The following ADAMTS16 variants were observed in gnomAD, a reference collection of about 807,000 sequenced individuals.
ADAMTS16 encodes ADAM metallopeptidase with thrombospondin type 1 motif 16.
Under a neutral mutation model 145.8 loss-of-function variants are expected in ADAMTS16, and 94 were observed. The observed-to-expected ratio is 0.64, with a 90% CI of 0.55 to 0.77. The LOEUF (loss-of-function observed/expected upper bound fraction) is 0.77. Among genes scored for constraint, ADAMTS16 ranks in the 30% least tolerant of loss-of-function variants. The pLI is 0.00. For missense variants in ADAMTS16, 1,585 were observed against 1,591.5 expected (o/e 1.00, Z 0.07); for synonymous variants, 659 against 604.3 (o/e 1.09, Z -1.33).
chr5:5,146,353 T>C lies in ADAMTS16; in HGVS notation c.399T>C (p.Thr133=). 6.2e-7 allele frequency: 1 copy of C among 1,614,214 alleles called. No homozygotes were observed. Among genetic ancestry groups the C allele is most frequent in the South Asian group, 1.1e-5 (1 of 91,082 alleles). ...TGCAGACGTTGGGAAAGACAGGCACTAAGTCTGTGCAGACTTTACCGCCAG... is the reference window on the plus strand; with the variant it reads ...TGCAGACGTTGGGAAAGACAGGCACCAAGTCTGTGCAGACTTTACCGCCAG... ...FIVQTLGKTG[T]KSVQTLPPED... is the part of the protein sequence containing the mutation. The change falls in exon 3 of 23, where the codon ACT becomes ACC. Residue 133 remains threonine, a synonymous_variant. Transcript: ENST00000274181.
chr5:5,249,980 A>C (rs989165116), intron 17 of ADAMTS16, among the ~76,000 whole-genome samples: 1 of 151,842 alleles, frequency 6.6e-6, no homozygotes. Context: ...CCCTGGCTGA[A>C]CTCCTTTCCA....
At chr5:5,149,413 C>A (rs1734391566) in intron 3 of ADAMTS16, among the ~76,000 whole-genome samples, 1 of 152,054 alleles carries the variant, frequency 6.6e-6, no homozygotes, top group Non-Finnish European at 1.5e-5. Flanking sequence ...ACAATGATGA[C>A]CATGGCAATA....
intron 3 of ADAMTS16, among the ~76,000 whole-genome samples, chr5:5,147,429 T>C (rs948924731): frequency 1.2e-4 from 19 of 152,188 alleles, no homozygotes; most frequent in Admixed American, 1.2e-3. Context: ...CTCATAAAGA[T>C]TTTGTGTGTG....
At chr5:5,232,188 G>GA (rs10713189) in intron 11 of ADAMTS16, among the ~76,000 whole-genome samples, 180 bp from the exon 12 acceptor site, 11 of 150,286 alleles carry the variant, frequency 7.3e-5, no homozygotes, top group Non-Finnish European at 1.3e-4. Flanking sequence ...GTTGGGTAAG[G>GA]AAAAAAAAAA....
intron 4 of ADAMTS16, among the ~76,000 whole-genome samples, chr5:5,182,679 A>G (rs180863119): frequency 2.0e-5 from 3 of 152,324 alleles, no homozygotes; most frequent in African/African-American, 7.2e-5. Context: ...TTTCCTGCTG[A>G]GGTAATTCAT....
chr5:5,179,627 G>A (rs1439316416), intron 3 of ADAMTS16, among the ~76,000 whole-genome samples: 1 of 152,224 alleles, frequency 6.6e-6, no homozygotes, highest in Non-Finnish European at 1.5e-5. Flanking sequence ...GTAAAGTGTT[G>A]TTGTGTCTTC....
intron 21 of ADAMTS16, among the ~76,000 whole-genome samples, chr5:5,307,658 C>T (rs566270499): frequency 3.3e-5 from 5 of 152,274 alleles, no homozygotes; most frequent in South Asian, 2.1e-4. Flanking sequence ...TGTGTGCTGG[C>T]GCTGCTCTGA....
chr5:5,175,697 C>T (rs1735173793), intron 3 of ADAMTS16, among the ~76,000 whole-genome samples: 1 of 152,196 alleles, frequency 6.6e-6, no homozygotes. Flanking sequence ...TGGGATGGTT[C>T]TGACCCTCCA....
intron 8 of ADAMTS16, among the ~76,000 whole-genome samples, chr5:5,197,285 T>A (rs972659385): frequency 6.6e-6 from 1 of 152,210 alleles, no homozygotes; most frequent in African/African-American, 2.4e-5. Flanking sequence ...TTCCCAATAG[T>A]AATTGAATCA....
chr5:5,309,826 TCG>T (rs1491223754), intron 21 of ADAMTS16, among the ~76,000 whole-genome samples: 61 of 52,012 alleles, frequency 1.2e-3, no homozygotes, highest in African/African-American at 3.9e-3. Flanking sequence ...GGTCATGTCC[TCG>T]TGTGTGTGTG....
At chr5:5,239,979 C>A (rs1460347766) in intron 16 of ADAMTS16, 54 bp downstream of exon 16, 1 of 1,596,616 alleles carries the variant, frequency 6.3e-7, no homozygotes, top group African/African-American at 1.3e-5. Flanking sequence ...GTTCTGGTGT[C>A]TGTGTAAGTT....
At chr5:5,218,358 G>A (rs1022507896) in intron 10 of ADAMTS16, among the ~76,000 whole-genome samples, 2 of 152,118 alleles carry the variant, frequency 1.3e-5, no homozygotes, top group Non-Finnish European at 2.9e-5. Flanking sequence ...GGTGTGGCTC[G>A]CTCCTTCTGT....
rs766437575 is a variant in ADAMTS16 at position 5,235,111 on chromosome 5, G to T, written c.1948G>T (p.Ala650Ser). ...CPRDSVDFRAAQCAEHNSRRF... is the reference protein window; with the variant it reads ...CPRDSVDFRASQCAEHNSRRF... ...CCGGGACAGTGTTGACTTCCGTGCTGCTCAGTGTGCCGAGCACAACAGCAG... is the reference window on the plus strand; with the variant it reads ...CCGGGACAGTGTTGACTTCCGTGCTTCTCAGTGTGCCGAGCACAACAGCAG... The change falls in exon 13 of 23, where the codon GCT becomes TCT. Residue 650 changes from alanine to serine, a missense_variant. Transcript: ENST00000274181. The T allele has an allele frequency of 1.9e-5, 31 of 1,604,718 alleles. No homozygotes were observed. Among genetic ancestry groups the T allele is most frequent in the Non-Finnish European group, 2.6e-5 (30 of 1,172,304 alleles).
intron 10 of ADAMTS16, among the ~76,000 whole-genome samples, chr5:5,210,503 T>C (rs1736246184): frequency 6.6e-6 from 1 of 152,186 alleles, no homozygotes; most frequent in South Asian, 2.1e-4. Flanking sequence ...TCAAGACACG[T>C]TTTATTTGCA....
chr5:5,268,667 A>G (rs1738349580), intron 18 of ADAMTS16, among the ~76,000 whole-genome samples: 1 of 152,122 alleles, frequency 6.6e-6, no homozygotes, highest in South Asian at 2.1e-4. Context: ...ATCCACCTGC[A>G]CAGGGATCCC....
intron 18 of ADAMTS16, among the ~76,000 whole-genome samples, chr5:5,299,751 T>C (rs1225070357): frequency 6.6e-6 from 1 of 151,996 alleles, no homozygotes; most frequent in African/African-American, 2.4e-5. Context: ...GTCTCCAGAG[T>C]CCCGCAGTGG....
intron 18 of ADAMTS16, among the ~76,000 whole-genome samples, chr5:5,282,139 G>A (rs1226743617): frequency 3.3e-5 from 5 of 152,126 alleles, no homozygotes; most frequent in South Asian, 2.1e-4. Context: ...TAACTGTCAC[G>A]CTCTGGGTAG....
rs375332841 is a variant in ADAMTS16, at chr5:5,310,673, T to C, written c.3411+3945T>C. 6.6e-6 allele frequency among the ~76,000 whole-genome samples: 1 copy of C among 152,066 alleles called. No homozygotes were observed. Among genetic ancestry groups the C allele is most frequent in the Non-Finnish European group, 1.5e-5 (1 of 67,998 alleles). On this transcript the variant is annotated intron_variant, in intron 21 of 22. Transcript: ENST00000274181. This position sits in a 1 kb window ranked among gnomAD's most constrained non-coding sequence, Gnocchi z 4.3. ...ACCGAGGACTGCCAGCACCACCAGATTCTGCACCAGGCATGACGGGCCCTC... is the reference window on the plus strand; with the variant it reads ...ACCGAGGACTGCCAGCACCACCAGACTCTGCACCAGGCATGACGGGCCCTC...
At chr5:5,274,013 GTGTTT>G (rs1313312305) in intron 18 of ADAMTS16, among the ~76,000 whole-genome samples, 1 of 150,106 alleles carries the variant, frequency 6.7e-6, no homozygotes, top group Non-Finnish European at 1.5e-5. Context: ...GTATGTGTAT[GTGTTT>G]TGTTTTATTT....
Sources: gnomAD v4.1 joint callset for allele counts (sites outside exome capture counted in the v4.1 genomes callset) on GRCh38, gnomAD v4.1.1 for gene constraint, Gnocchi (gnomAD v3.1) non-coding constraint, MANE v1.5 for transcripts, NCBI Gene and HGNC (gene_info 2026-07-23, HGNC 2026-07-21) for gene names.